SUPT6H: variants seen among roughly 807,000 people sequenced by gnomAD.
The protein encoded by SUPT6H is transcription elongation factor SPT6.
Under a neutral mutation model 222.3 loss-of-function variants are expected in SUPT6H, and 11 were observed. The observed-to-expected ratio is 0.05, with a 90% confidence interval of 0.03 to 0.08. The LOEUF (loss-of-function observed/expected upper bound fraction) is 0.08. Ranked by LOEUF, SUPT6H falls within the 10% of genes least tolerant of loss-of-function variation. The pLI, the probability that SUPT6H is intolerant of heterozygous loss-of-function variation, is 1.00. For synonymous variants in SUPT6H, 762 were observed against 801.2 expected, an observed-to-expected ratio of 0.95 and a Z score of 0.83; for missense variants, 1,422 against 2,216.0, an observed-to-expected ratio of 0.64 and a Z score of 7.19.
Position 28,700,213 on chromosome 17 carries a change from C to T in SUPT6H, c.4602C>T (p.Ala1534=). ...GCAGCAGCAGGACCCGGACACCTGC[C>T]TCTATCAATGCTACCCCAGCCAACA... ...PSSSSRTRTP[A]SINATPANIN... Residue 1534 remains alanine (A), a synonymous_variant, in exon 34 of 37, where the codon GCC becomes GCT. Coordinates refer to ENST00000314616, the MANE Select transcript of SUPT6H (RefSeq NM_003170.5). 6.2e-7 allele frequency: 1 copy of T among 1,614,226 alleles called. No individual in the cohort carries two copies. The highest frequency in any genetic ancestry group is 2.2e-5 in the East Asian group (1 of 44,890).
At chr17:28,666,238 C>T (rs1044559643) in intron 1 of SUPT6H, among the ~76,000 whole-genome samples, 1 of 152,238 alleles carries the variant, frequency 6.6e-6, no homozygotes. Context: ...CCATGCTATT[C>T]TTATCATCAA....
At chr17:28,674,488 A>G (rs780632340) in intron 3 of SUPT6H, 47 bp downstream of exon 3, 1 of 1,614,002 alleles carries the variant, frequency 6.2e-7, no homozygotes, top group Non-Finnish European at 8.5e-7. Context: ...TGGAGGTTGC[A>G]GTGGAAAAGG....
Position 28,697,625 on chromosome 17 carries a change from C to T in SUPT6H, c.4215C>T (p.Phe1405=), listed in dbSNP as rs145857330. 1.7e-5 allele frequency: 28 copies of T among 1,613,772 alleles called. No homozygotes were observed. The highest frequency in any genetic ancestry group is 6.7e-5 in the African/African-American group (5 of 75,000). ...CCTTTACCTTCTTCCCACAGGAATT[C>T]GAAGATTTGGATGAGATTGTTGCTC... ...GATLWINSEE[F]EDLDEIVARY... The change falls in exon 31 of 37, where the codon TTC becomes TTT. Residue 1405 remains phenylalanine (F), a synonymous_variant. Transcript: ENST00000314616.
chr17:28,678,753 A>AG lies in SUPT6H; in HGVS notation c.1207-66dup, dbSNP rs1306211238. The stretch of plus-strand genomic sequence containing the variant: ...GTCCTCCCCCACTAGGTTTCTGGTA[A>AG]GGATCAGAGCAGCCTTGAGTCTCCA... On this transcript the variant is annotated intron_variant, in intron 10 of 36. Coordinates refer to ENST00000314616, the MANE Select transcript of SUPT6H (RefSeq NM_003170.5). 5 of 1,612,530 alleles carry AG rather than the reference A, an allele frequency of 3.1e-6. No homozygotes were observed. The Admixed American group carries it at 5.0e-5, about 16-fold the overall frequency.
intron 26 of SUPT6H, 49 bp from the exon 27 acceptor site, chr17:28,690,872 C>T (rs772362073): frequency 2.5e-6 from 4 of 1,588,750 alleles, no homozygotes; most frequent in Non-Finnish European, 3.4e-6. Context: ...GAAAGAAGTG[C>T]TCTCCACATT....
intron 27 of SUPT6H, among the ~76,000 whole-genome samples, chr17:28,693,349 T>C (rs2031760697): frequency 6.6e-6 from 1 of 151,920 alleles, no homozygotes; most frequent in South Asian, 2.1e-4. Flanking sequence ...TAATCCCACC[T>C]ACTCAGGAGG....
At position 28,697,890 on chromosome 17, in the gene SUPT6H, C is replaced by G. The variant is rs746120151; in HGVS notation, c.4324-16C>G. On this transcript the variant is annotated splice_polypyrimidine_tract_variant and intron_variant, in intron 31 of 36. Coordinates refer to ENST00000314616, the MANE Select transcript of SUPT6H (RefSeq NM_003170.5). ...CATGCTGCTATCCCAACCTCTCCCC[C>G]TCATTCTACCCCCAGAAATTAGAGG... is the stretch of plus-strand genomic sequence containing the variant. 3.7e-6 allele frequency: 6 copies of G among 1,613,224 alleles called. No homozygotes were observed. In the African/African-American group the frequency reaches 5.3e-5, roughly 14 times the overall value.
rs1191602496 is a variant in SUPT6H at position 28,677,806 on chromosome 17, T to G, written c.989T>G (p.Ile330Ser). 5.6e-6 allele frequency: 9 copies of G among 1,614,018 alleles called. No individual in the cohort carries two copies. Among genetic ancestry groups the G allele is most frequent in the Non-Finnish European group, 7.6e-6 (9 of 1,179,902 alleles). The change falls in exon 8 of 37, where the codon ATT (isoleucine) becomes AGT (serine). Residue 330 changes from isoleucine (I) to serine (S), a missense_variant. By Grantham distance (142) the Ile-to-Ser change is moderately radical (BLOSUM62 -2). Around this residue, in one of 13 missense-constraint regions of SUPT6H, gnomAD observed 389 missense variants for 544.6 expected, o/e 0.71. Coordinates refer to ENST00000314616, the MANE Select transcript of SUPT6H (RefSeq NM_003170.5). ...AGGAATGCTTTTGCCACACCAACCA[T>G]TTCTCTCCAGGTACACAAAAAAGAT... is the stretch of plus-strand genomic sequence containing the variant. ...IYRNAFATPT[I>S]SLQESCDYLD...
chr17:28,697,852 G>A (rs76669329), intron 31 of SUPT6H, 54 bp from the exon 32 acceptor site: 59,243 of 1,608,808 alleles, frequency 0.037, 1,272 homozygotes, highest in Middle Eastern at 0.13. Context: ...TGCACCAGAC[G>A]TTGTGTACCA....
rs1597690539 is a variant in SUPT6H at position 28,673,332 on chromosome 17, G to A, written c.-31-39G>A. 6.3e-6 allele frequency: 8 copies of A among 1,271,950 alleles called. No homozygotes were observed. The Admixed American group carries it at 9.4e-5, about 15-fold the overall frequency. The allele number at this position is 1,271,950 out of a possible 1,614,324, so 78.8% of individuals were successfully genotyped here. A position where few individuals can be genotyped will look rare whatever the true frequency, so the allele number is the denominator to read the frequency against. On this transcript the variant is annotated intron_variant, in intron 1 of 36. Coordinates refer to ENST00000314616, the MANE Select transcript of SUPT6H (RefSeq NM_003170.5). Reference sequence around the variant, plus strand: ...GTTTAAGAGCCCTCTGTACAATCATGTGTCCGTTTTTTTATCCTTCACTCT... The same window carrying A: ...GTTTAAGAGCCCTCTGTACAATCATATGTCCGTTTTTTTATCCTTCACTCT...
chr17:28,689,042 A>T (rs866624078), intron 24 of SUPT6H: 9 of 249,070 alleles, frequency 3.6e-5, no homozygotes, highest in African/African-American at 2.0e-4. Flanking sequence ...TAACTACCAT[A>T]ACAATTTTAT....
Position 28,666,582 on chromosome 17 carries a change from C to T in SUPT6H, c.-32+4240C>T, listed in dbSNP as rs562569377. Among the ~76,000 whole-genome samples, 45 of 148,136 alleles carry T rather than the reference C, an allele frequency of 3.0e-4. 1 individual carries two copies. Among genetic ancestry groups the T allele is most frequent in the African/African-American group, 1.0e-3 (41 of 40,214 alleles). On this transcript the variant is annotated intron_variant, in intron 1 of 36. Transcript: ENST00000314616. ...TTTTTTTTTTTTTGAGACGGAGTCT[C>T]GCTCTGTCACCTTGGCTGGAGTGCA...
intron 1 of SUPT6H, among the ~76,000 whole-genome samples, chr17:28,663,827 C>CTTTTTTTTTTTT (rs1567681347): frequency 0.031 from 260 of 8,382 alleles, 10 homozygotes; most frequent in African/African-American, 0.084. Flanking sequence ...CTGCCCACTC[C>CTTTTTTTTTTTT]ATTTTTTTTT....
intron 1 of SUPT6H, among the ~76,000 whole-genome samples, chr17:28,668,847 C>T (rs1351956621): frequency 6.6e-6 from 1 of 152,130 alleles, no homozygotes; most frequent in Admixed American, 6.6e-5. Context: ...AATTAGAGCT[C>T]TAGATTTAAT....
At chr17:28,673,635 T>C (rs2030563997) in intron 2 of SUPT6H, 125 bp downstream of exon 2, 1 of 700,304 alleles carries the variant, frequency 1.4e-6, no homozygotes, top group Non-Finnish European at 2.5e-6. Context: ...GCTTGAGAAC[T>C]TTCAGTCATT....
intron 33 of SUPT6H, 56 bp downstream of exon 33, chr17:28,699,949 G>T: frequency 1.9e-6 from 3 of 1,543,342 alleles, no homozygotes; most frequent in South Asian, 1.1e-5. Flanking sequence ...CCTAGGACCT[G>T]ACTCAGAGTA....
At position 28,682,710 on chromosome 17, in the gene SUPT6H, T is replaced by A. The variant is rs890731086; in HGVS notation, c.1598-17T>A. On this transcript the variant is annotated splice_polypyrimidine_tract_variant and intron_variant, in intron 13 of 36. Coordinates refer to ENST00000314616, the MANE Select transcript of SUPT6H (RefSeq NM_003170.5). Reference sequence around the variant, plus strand: ...GCCTATCTGCTGCCTTACCCTTCACTCTTCTGTTTGCTTTAGATGGCCTGG... The same window carrying A: ...GCCTATCTGCTGCCTTACCCTTCACACTTCTGTTTGCTTTAGATGGCCTGG... 9 of 1,613,594 alleles carry A rather than the reference T, an allele frequency of 5.6e-6. No individual in the cohort carries two copies. In the Admixed American group the frequency reaches 1.3e-4, roughly 24 times the overall value.
intron 27 of SUPT6H, among the ~76,000 whole-genome samples, chr17:28,693,430 C>T (rs1427173957): frequency 6.6e-6 from 1 of 152,130 alleles, no homozygotes; most frequent in African/African-American, 2.4e-5. Flanking sequence ...CCACTGCACT[C>T]CAGCCTGGGC....
In SUPT6H at chr17:28,684,537, G is replaced by T; in HGVS notation, c.2230-49G>T. ...CCATAGCACTCTTGGTGAGCCTGAT[G>T]ACCATAATGTCATCATGTATGTAAT... On this transcript the variant is annotated intron_variant, in intron 17 of 36. Coordinates refer to ENST00000314616, the MANE Select transcript of SUPT6H (RefSeq NM_003170.5). The T allele has an allele frequency of 1.9e-6, 3 of 1,607,936 alleles. No individual in the cohort carries two copies. The South Asian group carries it at 3.3e-5, about 18-fold the overall frequency.
Sources: allele counts gnomAD v4.1 joint callset (sites outside exome capture counted in the v4.1 genomes callset), GRCh38; gene constraint gnomAD v4.1.1; regional missense constraint gnomAD v4.1.1; transcripts MANE v1.5; gene names NCBI Gene and HGNC (gene_info 2026-07-23, HGNC 2026-07-21).